SMYD4: variants seen among roughly 807,000 people sequenced by gnomAD.
SMYD4 encodes the protein protein-lysine N-methyltransferase SMYD4.
Under a neutral mutation model 72.8 loss-of-function variants are expected in SMYD4, and 68 were observed. The ratio of observed to expected loss-of-function variants is 0.93; its 90% CI spans 0.77 to 1.14. SMYD4 has a LOEUF of 1.14. SMYD4 is among the 50% of genes most tolerant of loss of function. The pLI, the probability that SMYD4 is intolerant of heterozygous loss-of-function variation, is 0.00. For missense variants in SMYD4, 984 were observed against 1,003.7 expected, an observed-to-expected ratio of 0.98 and a Z score of 0.27; for synonymous variants, 407 against 388.6, an observed-to-expected ratio of 1.05 and a Z score of -0.56.
At chr17:1,798,025 T>C (rs867086452) in intron 5 of SMYD4, among the ~76,000 whole-genome samples, 1 of 151,848 alleles carries the variant, frequency 6.6e-6, no homozygotes, top group Admixed American at 6.6e-5. Flanking sequence ...AAAAAAGGAC[T>C]TTGATACCTT....
At chr17:1,812,970 G>A (rs1269066639) in intron 2 of SMYD4, among the ~76,000 whole-genome samples, 14 of 133,594 alleles carry the variant, frequency 1.0e-4, no homozygotes, top group Admixed American at 3.7e-4. Flanking sequence ...ACAGAGTTTC[G>A]CTCTGTCACC....
chr17:1,828,955 G>T (rs565283677), intron 1 of SMYD4, among the ~76,000 whole-genome samples: 1 of 143,656 alleles, frequency 7.0e-6, no homozygotes, highest in South Asian at 2.2e-4. Flanking sequence ...ACCCACCCCA[G>T]CAACTATTCA....
intron 2 of SMYD4, among the ~76,000 whole-genome samples, chr17:1,827,449 C>T (rs1156752904): frequency 1.3e-5 from 2 of 151,780 alleles, no homozygotes; most frequent in Non-Finnish European, 2.9e-5. Flanking sequence ...AAAGAGCACA[C>T]ACATATATAA....
chr17:1,791,530 A>C (rs371620696), intron 5 of SMYD4, among the ~76,000 whole-genome samples: 1 of 152,206 alleles, frequency 6.6e-6, no homozygotes, highest in South Asian at 2.1e-4. Context: ...CCAAAGAAAT[A>C]ATAAAAAGGG....
In SMYD4 at chr17:1,804,592, C is replaced by G. The variant is rs758209682; in HGVS notation, c.369+34G>C. On this transcript the variant is annotated intron_variant, in intron 4 of 10. Transcript: ENST00000305513. ...TCCTCCAGTAAGAAGCCCTCCGGAT[C>G]CTGTCCTCTCATACCAGGTATCCTG... 3.1e-6 allele frequency: 5 copies of G among 1,593,742 alleles called. No individual in the cohort carries two copies. The Admixed American group carries it at 5.0e-5, about 16-fold the overall frequency.
chr17:1,784,044 CG>C (rs1908517248), intron 8 of SMYD4, among the ~76,000 whole-genome samples: 1 of 152,234 alleles, frequency 6.6e-6, no homozygotes, highest in African/African-American at 2.4e-5. Context: ...ACACAGCTCA[CG>C]GATGTCAGCG....
intron 5 of SMYD4, among the ~76,000 whole-genome samples, chr17:1,791,031 G>T (rs1447078684): frequency 1.3e-5 from 2 of 149,858 alleles, no homozygotes; most frequent in South Asian, 2.1e-4. Flanking sequence ...GGAGGCTGAG[G>T]CAGGAGAACG....
At chr17:1,803,165 A>C (rs1909862393) in intron 4 of SMYD4, among the ~76,000 whole-genome samples, 1 of 152,152 alleles carries the variant, frequency 6.6e-6, no homozygotes, top group Non-Finnish European at 1.5e-5. Context: ...AAAACAAAAC[A>C]AAAACTCCAC....
chr17:1,786,329 G>A (rs1597366965), intron 7 of SMYD4, among the ~76,000 whole-genome samples: 1 of 152,316 alleles, frequency 6.6e-6, no homozygotes, highest in Non-Finnish European at 1.5e-5. Context: ...TGGACAGAAA[G>A]CCCCTGGATC....
At chr17:1,825,671 T>C (rs1447299738) in intron 2 of SMYD4, among the ~76,000 whole-genome samples, 1 of 151,998 alleles carries the variant, frequency 6.6e-6, no homozygotes, top group Non-Finnish European at 1.5e-5. Context: ...GCCACCATGC[T>C]TGGCTAATTT....
At chr17:1,794,101 ATATATTT>A (rs1909252889) in intron 5 of SMYD4, among the ~76,000 whole-genome samples, 1 of 16,756 alleles carries the variant, frequency 6.0e-5, no homozygotes, top group African/African-American at 1.9e-4. Context: ...ATATATATAT[ATATATTT>A]TTTTTTTTTT....
intron 5 of SMYD4, among the ~76,000 whole-genome samples, chr17:1,796,492 A>G (rs968132204): frequency 2.1e-4 from 31 of 150,828 alleles, no homozygotes; most frequent in African/African-American, 7.1e-4. Flanking sequence ...GCTGGAGTGC[A>G]GTGGCGTGAT....
At position 1,779,943 on chromosome 17, in the gene SMYD4, G is replaced by T. The variant is rs991772471; in HGVS notation, c.*1343C>A. Reference sequence around the variant, plus strand: ...GGGAAACAGACTATCATCACTGAGCGAGGTGGAATCCAGCCAAAACCCCAG... The same window carrying T: ...GGGAAACAGACTATCATCACTGAGCTAGGTGGAATCCAGCCAAAACCCCAG... On this transcript the variant is annotated 3_prime_UTR_variant, in exon 11 of 11. Transcript: ENST00000305513. 4.6e-5 allele frequency: 7 copies of T among 152,602 alleles called. No homozygotes were observed. The highest frequency in any genetic ancestry group is 1.7e-4 in the African/African-American group (7 of 41,418). 9.5% of individuals were successfully genotyped at this position (152,602 alleles called of 1,614,324 possible).
At chr17:1,785,916 C>G (rs1488760380) in intron 7 of SMYD4, among the ~76,000 whole-genome samples, 1 of 152,210 alleles carries the variant, frequency 6.6e-6, no homozygotes, top group Non-Finnish European at 1.5e-5. Context: ...GCACTTGTGG[C>G]AGAGGGGAAA....
At chr17:1,808,062 T>A (rs188565371) in intron 3 of SMYD4, among the ~76,000 whole-genome samples, 9 of 152,304 alleles carry the variant, frequency 5.9e-5, no homozygotes. Flanking sequence ...AGTTCTTTCC[T>A]GGAGAACAAT....
At chr17:1,794,309 C>G (rs550969255) in intron 5 of SMYD4, among the ~76,000 whole-genome samples, 2 of 142,256 alleles carry the variant, frequency 1.4e-5, no homozygotes, top group African/African-American at 5.3e-5. Context: ...TTAGTAGAGA[C>G]GGGGTTTCAC....
chr17:1,809,918 C>A (rs564176084), intron 3 of SMYD4, among the ~76,000 whole-genome samples: 3 of 152,238 alleles, frequency 2.0e-5, no homozygotes, highest in East Asian at 1.9e-4. Context: ...ACCTCGGCCT[C>A]CCAAAATGCT....
chr17:1,816,295 T>C (rs1910586700), intron 2 of SMYD4, among the ~76,000 whole-genome samples: 1 of 152,074 alleles, frequency 6.6e-6, no homozygotes, highest in African/African-American at 2.4e-5. Context: ...CATCATGTTG[T>C]AGTATAAACC....
In SMYD4 at chr17:1,807,401, T is replaced by C. The variant is rs182446697; in HGVS notation, c.280-2686A>G. On this transcript the variant is annotated intron_variant, in intron 3 of 10. Coordinates refer to ENST00000305513, the MANE Select transcript of SMYD4 (RefSeq NM_052928.3). ...GTGAAGTGGCGTGTTCTTGGCTCAC[T>C]AAAACTTCCGCGTACCGCCCCCCCC... Among the ~76,000 whole-genome samples the C allele has an allele frequency of 1.9e-3, 294 of 151,086 alleles. 2 individuals are homozygous for C. Among genetic ancestry groups the C allele is most frequent in the African/African-American group, 6.4e-3 (265 of 41,142 alleles).
Sources: allele counts gnomAD v4.1 joint callset (sites outside exome capture counted in the v4.1 genomes callset), GRCh38; gene constraint gnomAD v4.1.1; transcripts MANE v1.5; gene names NCBI Gene and HGNC (gene_info 2026-07-23, HGNC 2026-07-21).